The following RIMS2 variants were observed in gnomAD, a reference collection of about 807,000 sequenced individuals.
RIMS2 encodes the protein regulating synaptic membrane exocytosis 2.
Under a neutral mutation model 174.4 loss-of-function variants are expected in RIMS2, and 59 were observed. The observed-to-expected ratio is 0.34, with a 90% CI of 0.27 to 0.42. The LOEUF (loss-of-function observed/expected upper bound fraction) is 0.42, where lower values mean the gene tolerates loss of function less well. Among genes scored for constraint, RIMS2 ranks in the 10% least tolerant of loss-of-function variants. RIMS2 has a pLI of 1.00. For missense variants in RIMS2, 1,620 were observed against 1,666.3 expected, an observed-to-expected ratio of 0.97 and a Z score of 0.48; for synonymous variants, 606 against 572.5, an observed-to-expected ratio of 1.06 and a Z score of -0.84.
chr8:104,105,420 G>C (rs1281114678), intron 19 of RIMS2, among the ~76,000 whole-genome samples: 1 of 152,120 alleles, frequency 6.6e-6, no homozygotes, highest in Admixed American at 6.5e-5. Flanking sequence ...ACAAGATAAA[G>C]GTTGGTATTG....
chr8:104,070,693 G>T, intron 19 of RIMS2, among the ~76,000 whole-genome samples: 1 of 152,018 alleles, frequency 6.6e-6, no homozygotes, highest in East Asian at 1.9e-4. Context: ...TTTTGTAAAT[G>T]TGTCTTCAGA....
At chr8:104,155,615 G>A (rs1047575125) in intron 19 of RIMS2, among the ~76,000 whole-genome samples, 1 of 150,570 alleles carries the variant, frequency 6.6e-6, no homozygotes, top group Non-Finnish European at 1.5e-5. Context: ...GGGTTTCACC[G>A]TGTTAGCCAG....
intron 19 of RIMS2, among the ~76,000 whole-genome samples, chr8:104,058,683 A>C (rs1383076110): frequency 6.6e-6 from 1 of 152,052 alleles, no homozygotes. Context: ...GTTTTCTTCT[A>C]AGGTTTTTAT....
chr8:103,665,115 AG>A (rs1385107977), intron 1 of RIMS2, among the ~76,000 whole-genome samples: 4 of 152,178 alleles, frequency 2.6e-5, no homozygotes, highest in African/African-American at 9.6e-5. Flanking sequence ...ATCACATACC[AG>A]GGCCTGTCTG....
chr8:103,548,322 A>G (rs1846040843), intron 1 of RIMS2, among the ~76,000 whole-genome samples: 1 of 152,230 alleles, frequency 6.6e-6, no homozygotes, highest in Non-Finnish European at 1.5e-5. Context: ...GCCACGATCA[A>G]CTAGGCTTTA....
At chr8:103,742,764 T>C (rs964888069) in intron 2 of RIMS2, among the ~76,000 whole-genome samples, 2 of 152,128 alleles carry the variant, frequency 1.3e-5, no homozygotes, top group African/African-American at 4.8e-5. Flanking sequence ...TGCTGTTTTC[T>C]TTAACAACGA....
chr8:104,191,112 G>A (rs1241803346), intron 19 of RIMS2, among the ~76,000 whole-genome samples: 2 of 151,960 alleles, frequency 1.3e-5, no homozygotes, highest in Non-Finnish European at 2.9e-5. Context: ...GCAGGATCTA[G>A]TTTCTCTTAT....
Position 103,713,255 on chromosome 8 carries a change from G to T in RIMS2, c.387+15959G>T, listed in dbSNP as rs145237508. Among the ~76,000 whole-genome samples the T allele has an allele frequency of 6.9e-3, 1,051 of 152,306 alleles. 34 individuals are homozygous for T. Among genetic ancestry groups the T allele is most frequent in the Admixed American group, 0.056 (860 of 15,296 alleles). ...GCTGGTCTCGAACTACTGACCTCAG[G>T]TGATCTGCCTGCCTCGGCCTCCCAA... On this transcript the variant is annotated intron_variant, in intron 2 of 23. Coordinates refer to ENST00000504942, the Ensembl canonical transcript of RIMS2.
At chr8:104,126,361 T>C (rs973327714) in intron 19 of RIMS2, among the ~76,000 whole-genome samples, 2 of 152,168 alleles carry the variant, frequency 1.3e-5, no homozygotes, top group East Asian at 1.9e-4. Context: ...TCAAAACTTT[T>C]CCATGGCTAG....
intron 19 of RIMS2, among the ~76,000 whole-genome samples, chr8:104,024,487 A>G (rs2096200855): frequency 6.6e-6 from 1 of 152,190 alleles, no homozygotes; most frequent in African/African-American, 2.4e-5. Context: ...TCTTCATAGC[A>G]TTCTATGACA....
intron 1 of RIMS2, among the ~76,000 whole-genome samples, chr8:103,623,656 T>G (rs999361969): frequency 2.6e-5 from 4 of 151,166 alleles, no homozygotes; most frequent in South Asian, 4.2e-4. Context: ...GGCTAATTTT[T>G]TTTTTTGTAT....
chr8:104,151,618 G>A (rs1404723062), intron 19 of RIMS2, among the ~76,000 whole-genome samples: 1 of 152,044 alleles, frequency 6.6e-6, no homozygotes, highest in Non-Finnish European at 1.5e-5. Flanking sequence ...GAAAGAGGAA[G>A]AGGGATGAGT....
rs536430856 is a variant in RIMS2 at position 103,760,245 on chromosome 8, C to G, written c.388-5982C>G. Among the ~76,000 whole-genome samples, 13 of 152,310 alleles carry G rather than the reference C, an allele frequency of 8.5e-5. No individual in the cohort carries two copies. In the South Asian group the frequency reaches 2.7e-3, roughly 32 times the overall value. On this transcript the variant is annotated intron_variant, in intron 2 of 23. Coordinates refer to ENST00000504942, the Ensembl canonical transcript of RIMS2. ...TTTAATGAAGACCCATCAGACATTCCTGCTTCAGCCTGTAAGTGTGACTAT... is the reference window on the plus strand; with the variant it reads ...TTTAATGAAGACCCATCAGACATTCGTGCTTCAGCCTGTAAGTGTGACTAT...
chr8:103,766,434 C>T (rs1471433320), exon 3 of RIMS2: 61 of 1,613,494 alleles, frequency 3.8e-5, no homozygotes, highest in Non-Finnish European at 4.5e-5. Flanking sequence ...CTTATCTGTA[C>T]CTGCAGTGGA....
intron 19 of RIMS2, 138 bp downstream of exon 23, chr8:104,068,750 T>G: frequency 1.8e-6 from 1 of 563,000 alleles, no homozygotes; most frequent in East Asian, 2.9e-5. Flanking sequence ...AGTGCTAAAA[T>G]TTATGTGTTT....
intron 2 of RIMS2, among the ~76,000 whole-genome samples, chr8:103,708,889 C>T (rs903179934): frequency 6.6e-6 from 1 of 152,112 alleles, no homozygotes; most frequent in African/African-American, 2.4e-5. Flanking sequence ...CTCTAGACAG[C>T]TTCAAGAACT....
chr8:103,955,062 C>A (rs2086705001), intron 14 of RIMS2, among the ~76,000 whole-genome samples: 1 of 152,080 alleles, frequency 6.6e-6, no homozygotes, highest in African/African-American at 2.4e-5. Flanking sequence ...GAAGTCAAAT[C>A]CCTGAATAGA....
At chr8:104,196,668 G>A (rs896446041) in intron 19 of RIMS2, among the ~76,000 whole-genome samples, 1 of 152,074 alleles carries the variant, frequency 6.6e-6, no homozygotes, top group Non-Finnish European at 1.5e-5. Flanking sequence ...AGACCCAAAT[G>A]TCCTTTGTTC....
intron 3 of RIMS2, among the ~76,000 whole-genome samples, chr8:103,802,871 A>G (rs1292278995): frequency 6.6e-6 from 1 of 152,196 alleles, no homozygotes; most frequent in Non-Finnish European, 1.5e-5. Flanking sequence ...AGTTGGAGTC[A>G]ACACTTTTAA....
Sources: allele counts gnomAD v4.1 joint callset (sites outside exome capture counted in the v4.1 genomes callset), GRCh38; gene constraint gnomAD v4.1.1; transcripts MANE v1.5; gene names NCBI Gene and HGNC (gene_info 2026-07-23, HGNC 2026-07-21).